E4F1: variants seen among roughly 807,000 people sequenced by gnomAD.
The protein encoded by E4F1 is transcription factor E4F1.
Under a neutral mutation model 72.9 loss-of-function variants are expected in E4F1, and 30 were observed. The observed-to-expected ratio is 0.41, with a 90% CI of 0.31 to 0.56. The LOEUF is 0.56. Ranked by LOEUF, E4F1 falls within the 20% of genes least tolerant of loss-of-function variation. E4F1 has a pLI of 0.25. For missense variants in E4F1, 1,091 were observed against 1,117.5 expected, an observed-to-expected ratio of 0.98 and a Z score of 0.34; for synonymous variants, 542 against 478.2, an observed-to-expected ratio of 1.13 and a Z score of -1.74.
At position 2,233,635 on chromosome 16, in the gene E4F1, G is replaced by T. The variant is rs1271544477; in HGVS notation, c.1254G>T (p.Gln418His). Residue 418 changes from glutamine to histidine, a missense_variant, in exon 8 of 14, where the codon CAG becomes CAT. This residue lies in a region of E4F1 where 622 missense variants were observed against 628.0 expected (regional missense o/e 0.99). Coordinates refer to ENST00000301727, the MANE Select transcript of E4F1 (RefSeq NM_004424.5). ...AAPQLPVLEVQPLETQVASEA... is the reference protein window; with the variant it reads ...AAPQLPVLEVHPLETQVASEA... Reference sequence around the variant, plus strand: ...CGCAGCTGCCGGTACTGGAAGTGCAGCCGCTGGAGACAGTAGGTGCCAGCA... The same window carrying T: ...CGCAGCTGCCGGTACTGGAAGTGCATCCGCTGGAGACAGTAGGTGCCAGCA... 1.3e-6 allele frequency: 2 copies of T among 1,522,436 alleles called. No individual in the cohort carries two copies. Among genetic ancestry groups the T allele is most frequent in the Non-Finnish European group, 1.8e-6 (2 of 1,134,822 alleles). 94.3% of individuals were successfully genotyped at this position (1,522,436 alleles called of 1,614,324 possible).
chr16:2,229,491 G>C, intron 2 of E4F1, 79 bp from the exon 3 acceptor site: 1 of 1,458,778 alleles, frequency 6.9e-7, no homozygotes, highest in Non-Finnish European at 9.4e-7. Flanking sequence ...GCTTTACACT[G>C]GCAGAGCCCA....
Position 2,233,549 on chromosome 16 carries a change from G to A in E4F1, c.1168G>A (p.Gly390Ser). ...CCTTGAGCGCGCTGCTGGGGAGGAG[G>A]GTGCCCTGGAGCCAGCTCCTGCTGC... ...IVLERAAGEE[G>S]ALEPAPAAGS... Residue 390 changes from glycine to serine, a missense_variant, in exon 8 of 14, where the codon GGT becomes AGT. Around this residue, in one of 5 missense-constraint regions of E4F1, gnomAD observed 622 missense variants for 628.0 expected, o/e 0.99. Coordinates refer to ENST00000301727, the MANE Select transcript of E4F1 (RefSeq NM_004424.5). The A allele has an allele frequency of 6.6e-7, 1 of 1,518,404 alleles. No homozygotes were observed. 94.1% of individuals were successfully genotyped at this position (1,518,404 alleles called of 1,614,324 possible). A position where few individuals can be genotyped will look rare whatever the true frequency, so the allele number is the denominator to read the frequency against.
Position 2,234,969 on chromosome 16 carries a change from G to A in E4F1, c.1903G>A (p.Val635Met), listed in dbSNP as rs372658146. 4.3e-5 allele frequency: 69 copies of A among 1,604,090 alleles called. No homozygotes were observed. Among genetic ancestry groups the A allele is most frequent in the African/African-American group, 3.6e-4 (27 of 74,780 alleles). The change falls in exon 12 of 14, where the codon GTG becomes ATG. Residue 635 changes from valine (V) to methionine (M), a missense_variant. Around this residue, in one of 5 missense-constraint regions of E4F1, gnomAD observed 622 missense variants for 628.0 expected, o/e 0.99. Coordinates refer to ENST00000301727, the MANE Select transcript of E4F1 (RefSeq NM_004424.5). ...CACAGTGTTGGTGGAGTTCTCGTCCGTGGTAGCTGACACCCAGGAGTATAT... is the reference window on the plus strand; with the variant it reads ...CACAGTGTTGGTGGAGTTCTCGTCCATGGTAGCTGACACCCAGGAGTATAT... ...PHTVLVEFSS[V>M]VADTQEYIIE... is the part of the protein sequence containing the mutation.
chr16:2,231,832 C>T (rs973459147), intron 3 of E4F1: 5 of 294,164 alleles, frequency 1.7e-5, no homozygotes, highest in South Asian at 8.6e-5. Context: ...GCGGCTGTCT[C>T]TTCACCCAAG....
intron 1 of E4F1, chr16:2,223,997 A>T: frequency 6.8e-7 from 1 of 1,468,328 alleles, no homozygotes; most frequent in Non-Finnish European, 9.0e-7. Flanking sequence ...GTGTGCGTCC[A>T]CAAGTGCTCG....
intron 1 of E4F1, among the ~76,000 whole-genome samples, chr16:2,225,998 C>T (rs2093430189): frequency 6.6e-6 from 1 of 151,718 alleles, no homozygotes. Context: ...GAGGCTGAGG[C>T]AGGAGAATGG....
At position 2,229,632 on chromosome 16, in the gene E4F1, G is replaced by A. The variant is rs757398464; in HGVS notation, c.372G>A (p.Ala124=). The change falls in exon 3 of 14, where the codon GCG becomes GCA. Residue 124 remains alanine (A), a synonymous_variant. Coordinates refer to ENST00000301727, the MANE Select transcript of E4F1 (RefSeq NM_004424.5). ...PITVAHIVVE[A]ASLAADISHA... Reference sequence around the variant, plus strand: ...CTGTGGCCCACATCGTGGTGGAGGCGGCCTCTCTGGCAGCAGACATCAGCC... The same window carrying A: ...CTGTGGCCCACATCGTGGTGGAGGCAGCCTCTCTGGCAGCAGACATCAGCC... 6.8e-6 allele frequency: 11 copies of A among 1,612,798 alleles called. No individual in the cohort carries two copies. The highest frequency in any genetic ancestry group is 2.2e-5 in the East Asian group (1 of 44,904).
At chr16:2,228,589 C>T in intron 2 of E4F1, 66 bp downstream of exon 2, 1 of 1,561,666 alleles carries the variant, frequency 6.4e-7, no homozygotes, top group Non-Finnish European at 8.7e-7. Context: ...GGTGGCCGCG[C>T]TTCAGGATGG....
At chr16:2,230,812 G>C (rs1409020514) in intron 3 of E4F1, 1 of 152,468 alleles carries the variant, frequency 6.6e-6, no homozygotes, top group African/African-American at 2.4e-5. Flanking sequence ...GTGGGAGGTG[G>C]GGCGGGCTCT....
chr16:2,227,196 G>C (rs2093437213), intron 1 of E4F1, among the ~76,000 whole-genome samples: 1 of 151,876 alleles, frequency 6.6e-6, no homozygotes, highest in Non-Finnish European at 1.5e-5. Context: ...TTCCACGCTT[G>C]GCTAAATGTT....
At position 2,232,033 on chromosome 16, in the gene E4F1, C is replaced by T; in HGVS notation, c.416-138C>T. On this transcript the variant is annotated intron_variant, in intron 3 of 13. Transcript: ENST00000301727. Reference sequence around the variant, plus strand: ...AATGGGACCTTGGCTGTTGCTCGGACCTGTGTGTTGAGGGCTCAGTGCAGG... The same window carrying T: ...AATGGGACCTTGGCTGTTGCTCGGATCTGTGTGTTGAGGGCTCAGTGCAGG... The T allele has an allele frequency of 2.0e-5, 21 of 1,071,162 alleles. No homozygotes were observed. The South Asian group carries it at 2.4e-4, about 12-fold the overall frequency. 66.4% of individuals were successfully genotyped at this position (1,071,162 alleles called of 1,614,324 possible).
In E4F1 at chr16:2,232,819, G is replaced by A. The variant is rs1156403402; in HGVS notation, c.794G>A (p.Arg265Gln). 2.5e-6 allele frequency: 4 copies of A among 1,613,326 alleles called. No individual in the cohort carries two copies. The highest frequency in any genetic ancestry group is 3.4e-6 in the Non-Finnish European group (4 of 1,180,016). Residue 265 changes from arginine to glutamine, a missense_variant, in exon 6 of 14, where the codon CGG becomes CAG. By Grantham distance (43) the Arg-to-Gln change is conservative. Transcript: ENST00000301727. ...KSFRESGALT[R>Q]HLKSLTPCTE... ...TTCCGGGAGTCGGGTGCACTGACCC[G>A]GCACCTCAAGTCTCTCACCCCCTGC...
chr16:2,226,077 A>G (rs1234449748), intron 1 of E4F1, among the ~76,000 whole-genome samples: 4 of 151,996 alleles, frequency 2.6e-5, no homozygotes, highest in African/African-American at 9.7e-5. Context: ...TGGGCAACAA[A>G]GCGAGACTCC....
chr16:2,224,276 G>T (rs1468317246), intron 1 of E4F1, among the ~76,000 whole-genome samples: 1 of 152,320 alleles, frequency 6.6e-6, no homozygotes, highest in East Asian at 1.9e-4. Context: ...GCCCCTTCCA[G>T]TCCCACACTT....
rs2093471861 is a variant in E4F1 at position 2,232,262 on chromosome 16, G to A, written c.507G>A (p.Gln169=). The A allele has an allele frequency of 6.2e-7, 1 of 1,612,406 alleles. No homozygotes were observed. The highest frequency in any genetic ancestry group is 1.3e-5 in the African/African-American group (1 of 75,036). Residue 169 remains glutamine, a synonymous_variant, in exon 4 of 14, where the codon CAG becomes CAA. Coordinates refer to ENST00000301727, the MANE Select transcript of E4F1 (RefSeq NM_004424.5). ...MAEAPGSPRQ[Q]GLGLAGEGEQ... ...AGGCCCCGGGCAGCCCCCGCCAGCAGGGGCTGGGGCTCGCAGGGGAGGGTG... is the reference window on the plus strand; with the variant it reads ...AGGCCCCGGGCAGCCCCCGCCAGCAAGGGCTGGGGCTCGCAGGGGAGGGTG...
chr16:2,225,745 TACAGTCGTGCGCC>T (rs2093427519), intron 1 of E4F1, among the ~76,000 whole-genome samples: 1 of 135,662 alleles, frequency 7.4e-6, no homozygotes, highest in African/African-American at 2.7e-5. Flanking sequence ...GTGCTGGGAA[TACAGTCGTGCGCC>T]ACCGTGCCCG....
rs1429060455 is a variant in E4F1 at position 2,229,430 on chromosome 16, C to A, written c.310-140C>A. The A allele has an allele frequency of 7.5e-6, 6 of 797,704 alleles. No homozygotes were observed. In the East Asian group the frequency reaches 1.5e-4, roughly 20 times the overall value. 49.4% of individuals were successfully genotyped at this position (797,704 alleles called of 1,614,324 possible). A position where few individuals can be genotyped will look rare whatever the true frequency, so the allele number is the denominator to read the frequency against. On this transcript the variant is annotated intron_variant, in intron 2 of 13. Transcript: ENST00000301727. ...GGAAGAGGAGAGCCCCCACCCCAGC[C>A]GTCCCAAGGACGTGGACCCAGGCCT...
chr16:2,229,471 C>T (rs1458154360), intron 2 of E4F1, 99 bp from the exon 3 acceptor site: 1 of 1,309,098 alleles, frequency 7.6e-7, no homozygotes. Flanking sequence ...CCACAAGTCA[C>T]ACCTCCACAG....
chr16:2,231,864 A>G (rs2093469590), intron 3 of E4F1: 1 of 365,296 alleles, frequency 2.7e-6, no homozygotes, highest in African/African-American at 2.1e-5. Flanking sequence ...CAGGATTCGC[A>G]CGTCCTCCTG....
Sources: gnomAD v4.1 joint callset for allele counts (sites outside exome capture counted in the v4.1 genomes callset) on GRCh38, gnomAD v4.1.1 for gene constraint, gnomAD v4.1.1 regional missense constraint, MANE v1.5 for transcripts, NCBI Gene and HGNC (gene_info 2026-07-23, HGNC 2026-07-21) for gene names.